KANK3: variants seen among roughly 807,000 people sequenced by gnomAD.
KANK3 encodes KN motif and ankyrin repeat domain-containing protein 3.
KANK3 carries 61 observed loss-of-function variants against 65.4 expected under a neutral mutation model. The observed-to-expected ratio is 0.93, with a 90% CI of 0.76 to 1.15. KANK3 has a LOEUF of 1.15. Among genes scored for constraint, KANK3 ranks in the 50% most tolerant of loss-of-function variants. KANK3 has a pLI of 0.00. For synonymous variants in KANK3, 586 were observed against 543.3 expected, an observed-to-expected ratio of 1.08 and a Z score of -1.09; for missense variants, 1,187 against 1,178.8, an observed-to-expected ratio of 1.01 and a Z score of -0.10.
chr19:8,330,946 C>G lies in KANK3; in HGVS notation c.1936+2068G>C, dbSNP rs149750390. Among the ~76,000 whole-genome samples, 443 of 151,722 alleles carry G rather than the reference C, an allele frequency of 2.9e-3. 2 individuals carry two copies. The highest frequency in any genetic ancestry group is 0.01 in the African/African-American group (430 of 41,366). ...GGCAAAGCGGCTAATGCTTGTAATC[C>G]CAGCACTTTGGGAGGCCGAGGCAGG... On this transcript the variant is annotated intron_variant, in intron 7 of 10. Coordinates refer to ENST00000330915, the MANE Select transcript of KANK3 (RefSeq NM_198471.3).
intron 1 of KANK3, among the ~76,000 whole-genome samples, chr19:8,342,183 G>A (rs1345432166): frequency 6.6e-6 from 1 of 152,018 alleles, no homozygotes; most frequent in African/African-American, 2.4e-5. Flanking sequence ...TAGTAGAGAC[G>A]GGTTTCATCA....
chr19:8,337,898 G>A, intron 1 of KANK3, 42 bp from the exon 2 acceptor site: 1 of 1,609,420 alleles, frequency 6.2e-7, no homozygotes, highest in Non-Finnish European at 8.5e-7. Flanking sequence ...TGTCCCTCTG[G>A]CTGGAGCCTC....
intron 7 of KANK3, among the ~76,000 whole-genome samples, chr19:8,332,045 G>A (rs561640761): frequency 4.9e-5 from 7 of 143,918 alleles, no homozygotes; most frequent in African/African-American, 1.8e-4. Context: ...AGGCTGGAGT[G>A]CAGTGGTGCT....
chr19:8,342,771 G>A (rs1224428258), intron 1 of KANK3, among the ~76,000 whole-genome samples: 1 of 152,204 alleles, frequency 6.6e-6, no homozygotes, highest in Non-Finnish European at 1.5e-5. Flanking sequence ...CACAGAGACA[G>A]AGCAGTTTCC....
At chr19:8,325,518 C>T (rs1970412588) in intron 7 of KANK3, among the ~76,000 whole-genome samples, 1 of 151,632 alleles carries the variant, frequency 6.6e-6, no homozygotes, top group Non-Finnish European at 1.5e-5. Flanking sequence ...AGTGATCCAC[C>T]CACCGTAGCC....
intron 1 of KANK3, among the ~76,000 whole-genome samples, chr19:8,340,081 C>T (rs796161013): frequency 8.6e-5 from 13 of 151,066 alleles, no homozygotes; most frequent in African/African-American, 1.9e-4. Flanking sequence ...AAAGTGCCTA[C>T]GGTGTGCCCT....
In KANK3 at chr19:8,324,522, G is replaced by A. The variant is rs1196830022; in HGVS notation, c.2309C>T (p.Ala770Val). ...DNEGTSALAI[A>V]LEAEQDEVAA... is the part of the protein sequence containing the mutation. ...CACCTCATCCTGCTCAGCCTCCAGG[G>A]CGATGGCCAGGGCACTGGTGCCCTC... Residue 770 changes from alanine (A) to valine (V), a missense_variant, in exon 10 of 11, where the codon GCC becomes GTC. Around this residue, in one of 3 missense-constraint regions of KANK3, gnomAD observed 1,078 missense variants for 1,038.2 expected, o/e 1.04. Transcript: ENST00000330915. The A allele has an allele frequency of 3.1e-6, 5 of 1,613,744 alleles. No individual in the cohort carries two copies. The highest frequency in any genetic ancestry group is 3.4e-6 in the Non-Finnish European group (4 of 1,179,852).
rs1403507949 is a variant in KANK3, at chr19:8,341,866, TA to T, written c.-29+1358del. ...ATGATCATTGTCCCTTCCCCTATTG[TA>T]CAGATGGAGAAACTGAGACACAGAA... On this transcript the variant is annotated intron_variant, in intron 1 of 10. Coordinates refer to ENST00000330915, the MANE Select transcript of KANK3 (RefSeq NM_198471.3). 4.2e-4 allele frequency among the ~76,000 whole-genome samples: 64 copies of T among 152,304 alleles called. 1 individual carries two copies. The highest frequency in any genetic ancestry group is 1.2e-4 in the Non-Finnish European group (8 of 68,020).
Position 8,334,741 on chromosome 19 carries a change from C to G in KANK3, c.1086G>C (p.Leu362=). The G allele has an allele frequency of 6.5e-7, 1 of 1,529,014 alleles. No individual in the cohort carries two copies. Among genetic ancestry groups the G allele is most frequent in the Non-Finnish European group, 8.7e-7 (1 of 1,144,944 alleles). The allele number at this position is 1,529,014 out of a possible 1,614,324, so 94.7% of individuals were successfully genotyped here. A position where few individuals can be genotyped will look rare whatever the true frequency, so the allele number is the denominator to read the frequency against. The change falls in exon 3 of 11, where the codon CTG becomes CTC. Residue 362 remains leucine, a synonymous_variant. Coordinates refer to ENST00000330915, the MANE Select transcript of KANK3 (RefSeq NM_198471.3). ...ERELELLRAS[L]EHQRGVSELL... is the part of the protein sequence containing the mutation. ...GCTCACTCACCCCGCGCTGGTGCTCCAGACTGGCGCGCAGCAGCTCTAGCT... is the reference window on the plus strand; with the variant it reads ...GCTCACTCACCCCGCGCTGGTGCTCGAGACTGGCGCGCAGCAGCTCTAGCT...
At position 8,334,068 on chromosome 19, in the gene KANK3, G is replaced by A; in HGVS notation, c.1476C>T (p.Ser492=). 1.3e-6 allele frequency: 1 copy of A among 760,896 alleles called. No homozygotes were observed. 47.1% of individuals were successfully genotyped at this position (760,896 alleles called of 1,614,324 possible). A position where few individuals can be genotyped will look rare whatever the true frequency, so the allele number is the denominator to read the frequency against. Reference sequence around the variant, plus strand: ...CCGGGGGCTCGGCGCCACCGTTCTCGCTGTCGCCATCGCTGTCGCTGGCGT... The same window carrying A: ...CCGGGGGCTCGGCGCCACCGTTCTCACTGTCGCCATCGCTGTCGCTGGCGT... ...SEDASDSDGD[S]ENGGAEPPGS... The change falls in exon 5 of 11, where the codon AGC becomes AGT. Residue 492 remains serine, a synonymous_variant. Coordinates refer to ENST00000330915, the MANE Select transcript of KANK3 (RefSeq NM_198471.3).
rs573315741 is a variant in KANK3 at position 8,325,296 on chromosome 19, C to CTTTTTTTTTTTTTTTT, written c.1937-216_1937-201dup. ...TCAGTGAAGGACCTTCCTGTTTCAT[C>CTTTTTTTTTTTTTTTT]TTTTTTTTTTTTTTTTTTTTTTTTT... On this transcript the variant is annotated intron_variant, in intron 7 of 10. Transcript: ENST00000330915. 9.4e-4 allele frequency among the ~76,000 whole-genome samples: 74 copies of CTTTTTTTTTTTTTTTT among 78,632 alleles called. 7 individuals carry two copies. Among genetic ancestry groups the CTTTTTTTTTTTTTTTT allele is most frequent in the African/African-American group, 2.3e-3 (42 of 18,658 alleles). The allele number at this position is 78,632 out of a possible 152,430, so 51.6% of individuals were successfully genotyped here. A position where few individuals can be genotyped will look rare whatever the true frequency, so the allele number is the denominator to read the frequency against.
At chr19:8,326,475 C>A in intron 7 of KANK3, among the ~76,000 whole-genome samples, 1 of 96,648 alleles carries the variant, frequency 1.0e-5, no homozygotes, top group Admixed American at 1.1e-4. Context: ...TTCTGGCCAC[C>A]TGTTGTAAAA....
At position 8,333,248 on chromosome 19, in the gene KANK3, C is replaced by G; in HGVS notation, c.1720-18G>C. 3.8e-6 allele frequency: 6 copies of G among 1,589,252 alleles called. No homozygotes were observed. Among genetic ancestry groups the G allele is most frequent in the South Asian group, 3.3e-5 (3 of 90,186 alleles). ...ACTGCGCCCTGCAAGGGACAGGGGC[C>G]AAGATAACATCGGCGATGGTCCACG... On this transcript the variant is annotated intron_variant, in intron 6 of 10. Coordinates refer to ENST00000330915, the MANE Select transcript of KANK3 (RefSeq NM_198471.3). The surrounding 1 kb of genome is among the most constrained non-coding windows in gnomAD (Gnocchi z 5.0).
At chr19:8,326,091 G>T (rs1599641101) in intron 7 of KANK3, among the ~76,000 whole-genome samples, 1 of 152,100 alleles carries the variant, frequency 6.6e-6, no homozygotes, top group South Asian at 2.1e-4. Flanking sequence ...CAAAGTGCTG[G>T]GATTACAGGT....
Position 8,335,306 on chromosome 19 carries a change from G to A in KANK3, c.521C>T (p.Ala174Val), listed in dbSNP as rs1970615529. 2 of 1,204,676 alleles carry A rather than the reference G, an allele frequency of 1.7e-6. No individual in the cohort carries two copies. The highest frequency in any genetic ancestry group is 1.0e-6 in the Non-Finnish European group (1 of 970,660). The allele number at this position is 1,204,676 out of a possible 1,614,324, so 74.6% of individuals were successfully genotyped here. A position where few individuals can be genotyped will look rare whatever the true frequency, so the allele number is the denominator to read the frequency against. The change falls in exon 3 of 11, where the codon GCC becomes GTC. Residue 174 changes from alanine (A) to valine (V), a missense_variant. Physicochemically the swap from Ala to Val is moderately conservative, Grantham distance 64. This residue lies in a region of KANK3 where 1,078 missense variants were observed against 1,038.2 expected (regional missense o/e 1.04). Transcript: ENST00000330915. Reference protein sequence around the residue: ...SGRSSPAPNLAPASPGPAQLQ... With the variant: ...SGRSSPAPNLVPASPGPAQLQ... ...TTGGGCAGGGCCGGGCGAAGCAGGG[G>A]CAAGGTTAGGGGCGGGGCTGCTGCG...
chr19:8,337,951 C>T, intron 1 of KANK3, 95 bp from the exon 2 acceptor site: 1 of 1,524,742 alleles, frequency 6.6e-7, no homozygotes, highest in South Asian at 1.2e-5. Context: ...CCCAAGAGCT[C>T]TCCTCCACCC....
At position 8,334,576 on chromosome 19, in the gene KANK3, G is replaced by A; in HGVS notation, c.1251C>T (p.Ser417=). 1 of 1,596,886 alleles carries A rather than the reference G, an allele frequency of 6.3e-7. No individual in the cohort carries two copies. The highest frequency in any genetic ancestry group is 8.5e-7 in the Non-Finnish European group (1 of 1,178,226). The change falls in exon 3 of 11, where the codon TCC becomes TCT. Residue 417 remains serine, a synonymous_variant. Transcript: ENST00000330915. ...GAGTCAAGGAGGGCGCCTCTGCCGGGGACTCGGTCTGCGCGGCCTTTTCGG... is the reference window on the plus strand; with the variant it reads ...GAGTCAAGGAGGGCGCCTCTGCCGGAGACTCGGTCTGCGCGGCCTTTTCGG... ...SCAEKAAQTE[S]PAEAPSLTQE...
chr19:8,337,199 A>ATT (rs33926642), intron 2 of KANK3, among the ~76,000 whole-genome samples: 19,230 of 88,758 alleles, frequency 0.22, 3,088 homozygotes, highest in African/African-American at 0.38. Flanking sequence ...TGCCTGGCTA[A>ATT]TTTTTTTTTT....
Position 8,333,116 on chromosome 19 carries a change from G to A in KANK3, c.1834C>T (p.Leu612=). ...EGVRRLGPEL[L]AHVVNLADGN... is the part of the protein sequence containing the mutation. ...TCCGCCAGGTTCACCACGTGCGCCA[G>A]CAGTTCGGGTCCCAGGCGCCTCACC... is the stretch of plus-strand genomic sequence containing the variant. The change falls in exon 7 of 11, where the codon CTG becomes TTG. Residue 612 remains leucine (L), a synonymous_variant. Transcript: ENST00000330915. This position sits in a 1 kb window ranked among gnomAD's most constrained non-coding sequence, Gnocchi z 5.0. 2 of 1,613,112 alleles carry A rather than the reference G, an allele frequency of 1.2e-6. No individual in the cohort carries two copies. Among genetic ancestry groups the A allele is most frequent in the Non-Finnish European group, 1.7e-6 (2 of 1,179,914 alleles).
Sources: allele counts gnomAD v4.1 joint callset (sites outside exome capture counted in the v4.1 genomes callset), GRCh38; gene constraint gnomAD v4.1.1; regional missense constraint gnomAD v4.1.1; non-coding constraint Gnocchi (gnomAD v3.1); transcripts MANE v1.5; gene names NCBI Gene and HGNC (gene_info 2026-07-23, HGNC 2026-07-21).